Variants in COL21A1 observed in about 807,000 individuals in gnomAD.
COL21A1 encodes collagen alpha-1(XXI) chain.
A neutral mutation model predicts 137.9 loss-of-function variants in COL21A1; 149 were observed. The ratio of observed to expected loss-of-function variants is 1.08; its 90% CI spans 0.95 to 1.24. COL21A1 has a LOEUF of 1.24. COL21A1 is among the 50% of genes most tolerant of loss of function. The probability of loss-of-function intolerance (pLI) is 0.00; values close to 1 mark genes in which losing one functional copy is unlikely to be tolerated. For synonymous variants in COL21A1, 456 were observed against 391.5 expected (o/e 1.16, Z -1.95); for missense variants, 1,167 against 1,158.4 (o/e 1.01, Z -0.11).
chr6:56,110,980 T>C (rs983869798), intron 16 of COL21A1, among the ~76,000 whole-genome samples: 1 of 152,098 alleles, frequency 6.6e-6, no homozygotes, highest in African/African-American at 2.4e-5. Flanking sequence ...AGGGCTTGAA[T>C]TTGGTGACTT....
chr6:56,296,889 T>A (rs1435467938), intron 1 of COL21A1, among the ~76,000 whole-genome samples: 1 of 152,070 alleles, frequency 6.6e-6, no homozygotes, highest in East Asian at 1.9e-4. Flanking sequence ...AAGATGGGTT[T>A]CCAATATGAT....
chr6:56,248,496 C>G (rs1782760515), upstream of COL21A1, among the ~76,000 whole-genome samples: 1 of 152,218 alleles, frequency 6.6e-6, no homozygotes, highest in Non-Finnish European at 1.5e-5. Context: ...TTATTGCTAT[C>G]TGAAGGTTTT....
intron 1 of COL21A1, among the ~76,000 whole-genome samples, chr6:56,279,401 G>A (rs1756435360): frequency 6.6e-6 from 1 of 152,190 alleles, no homozygotes; most frequent in Non-Finnish European, 1.5e-5. Flanking sequence ...GACTAATACA[G>A]TTTGTGGTGA....
chr6:56,150,565 C>CAA (rs752881244), intron 10 of COL21A1, among the ~76,000 whole-genome samples: 8,785 of 112,590 alleles, frequency 0.078, 549 homozygotes, highest in Admixed American at 0.14. Context: ...CACACACACA[C>CAA]AAGAGTGGGG....
At chr6:56,165,094 C>T (rs1039476498) in intron 7 of COL21A1, among the ~76,000 whole-genome samples, 24 of 152,012 alleles carry the variant, frequency 1.6e-4, no homozygotes, top group African/African-American at 5.8e-4. Flanking sequence ...ATATAATAGC[C>T]ATGCAAGATT....
intron 1 of COL21A1, among the ~76,000 whole-genome samples, chr6:56,210,572 T>C (rs1780093739): frequency 1.3e-5 from 2 of 152,156 alleles, no homozygotes. Context: ...GACAGATGCA[T>C]TAGGCTGTAC....
At chr6:56,093,186 T>C (rs1022496687) in intron 17 of COL21A1, among the ~76,000 whole-genome samples, 1 of 152,124 alleles carries the variant, frequency 6.6e-6, no homozygotes, top group African/African-American at 2.4e-5. Context: ...GATTAAGAGC[T>C]GATGTCTCGG....
intron 1 of COL21A1, among the ~76,000 whole-genome samples, chr6:56,236,859 C>G (rs1482530033): frequency 6.6e-6 from 1 of 151,966 alleles, no homozygotes; most frequent in African/African-American, 2.4e-5. Flanking sequence ...GTTTTTACAG[C>G]TGACAATACC....
At chr6:56,197,655 C>T (rs1022560621) in intron 1 of COL21A1, among the ~76,000 whole-genome samples, 1 of 151,906 alleles carries the variant, frequency 6.6e-6, no homozygotes, top group Admixed American at 6.6e-5. Context: ...CAAAGTAGCA[C>T]CACTTCACAC....
intron 20 of COL21A1, among the ~76,000 whole-genome samples, chr6:56,073,821 G>T (rs1766972083): frequency 6.6e-6 from 1 of 151,316 alleles, no homozygotes; most frequent in Admixed American, 6.6e-5. Context: ...AATTTACAAG[G>T]CACTCTATAT....
intron 1 of COL21A1, among the ~76,000 whole-genome samples, chr6:56,354,952 A>G (rs976065512): frequency 3.3e-5 from 5 of 152,234 alleles, no homozygotes; most frequent in Non-Finnish European, 5.9e-5. Flanking sequence ...ACCATTGGAC[A>G]GTAATAAAAA....
rs1765078485 is a variant in COL21A1, at chr6:56,325,996, AC to A, written c.-39+67974del. ...TATATATTATATAATATATGTATATACATACATATATTATGTATATGTATAT... is the reference window on the plus strand; with the variant it reads ...TATATATTATATAATATATGTATATAATACATATATTATGTATATGTATAT... On this transcript the variant is annotated intron_variant, in intron 1 of 28. Coordinates refer to the COL21A1 transcript ENST00000370819. 2.3e-3 allele frequency among the ~76,000 whole-genome samples: 3 copies of A among 1,310 alleles called. 1 individual carries two copies. The highest frequency in any genetic ancestry group is 0.083 in the East Asian group (2 of 24). 0.9% of individuals were successfully genotyped at this position (1,310 alleles called of 152,430 possible).
intron 1 of COL21A1, among the ~76,000 whole-genome samples, chr6:56,307,620 T>C (rs1266432072): frequency 6.6e-6 from 1 of 152,206 alleles, no homozygotes; most frequent in East Asian, 1.9e-4. Context: ...GTGCCGTCTG[T>C]CACCCCTGTC....
At chr6:56,146,306 G>A (rs751907936) in intron 10 of COL21A1, among the ~76,000 whole-genome samples, 1 of 152,042 alleles carries the variant, frequency 6.6e-6, no homozygotes, top group Non-Finnish European at 1.5e-5. Flanking sequence ...ACGTAACTAG[G>A]TAACCAAAAC....
chr6:56,343,786 T>A (rs1198362272), intron 1 of COL21A1, among the ~76,000 whole-genome samples: 5 of 151,990 alleles, frequency 3.3e-5, no homozygotes, highest in South Asian at 2.1e-4. Flanking sequence ...ACAAAAAAAA[T>A]TTAAAAATTA....
intron 1 of COL21A1, among the ~76,000 whole-genome samples, chr6:56,382,626 A>G (rs574600198): frequency 1.4e-3 from 211 of 152,212 alleles, no homozygotes; most frequent in Non-Finnish European, 2.2e-3. Flanking sequence ...TAAGAAGAGG[A>G]AGAGAGGAAG....
intron 18 of COL21A1, among the ~76,000 whole-genome samples, chr6:56,077,064 C>T (rs926435801): frequency 6.6e-6 from 1 of 151,178 alleles, no homozygotes; most frequent in East Asian, 1.9e-4. Flanking sequence ...CCAAAAAAAC[C>T]ATAGAAGAAA....
At chr6:56,256,563 T>C (rs1782978026) in intron 1 of COL21A1, among the ~76,000 whole-genome samples, 1 of 152,100 alleles carries the variant, frequency 6.6e-6, no homozygotes, top group African/African-American at 2.4e-5. Flanking sequence ...GTATCGAAAG[T>C]AAAGCTTCCA....
chr6:56,379,967 T>G (rs537377262), intron 1 of COL21A1, among the ~76,000 whole-genome samples: 2 of 152,226 alleles, frequency 1.3e-5, no homozygotes, highest in Non-Finnish European at 2.9e-5. Flanking sequence ...TATTCATTAC[T>G]GATATACTTT....
Sources: gnomAD v4.1 joint callset for allele counts (sites outside exome capture counted in the v4.1 genomes callset) on GRCh38, gnomAD v4.1.1 for gene constraint, MANE v1.5 for transcripts, NCBI Gene and HGNC (gene_info 2026-07-23, HGNC 2026-07-21) for gene names.